Variants in ACYP2 observed in about 807,000 individuals in gnomAD.
ACYP2 encodes the protein acylphosphatase 2, also known as acylphosphatase-2.
In ACYP2, 12 loss-of-function variants were observed where a neutral mutation model predicts 11.2. That is an observed-to-expected ratio of 1.08 (90% CI 0.69 to 1.74). The LOEUF is 1.74. ACYP2 is among the 40% of genes most tolerant of loss of function. The pLI, the probability that ACYP2 is intolerant of heterozygous loss-of-function variation, is 0.00. For synonymous variants in ACYP2, 43 were observed against 32.2 expected (o/e 1.33, Z -1.13); for missense variants, 134 against 101.9 (o/e 1.31, Z -1.35).
chr2:54,080,122 G>C (rs1677565816), intron 4 of ACYP2: 1 of 207,780 alleles, frequency 4.8e-6, no homozygotes, highest in Non-Finnish European at 1.0e-5. Flanking sequence ...TATACAGCTT[G>C]GGAAGCACAT....
At chr2:54,044,084 A>T (rs1417056343) in intron 2 of ACYP2, among the ~76,000 whole-genome samples, 1 of 152,126 alleles carries the variant, frequency 6.6e-6, no homozygotes, top group East Asian at 1.9e-4. Flanking sequence ...TCTCTTCTAG[A>T]TCTCCATCTC....
At chr2:53,990,378 G>T (rs1265418698) in intron 2 of ACYP2, among the ~76,000 whole-genome samples, 2 of 152,088 alleles carry the variant, frequency 1.3e-5, no homozygotes, top group African/African-American at 4.8e-5. Context: ...GCTGGGAGCT[G>T]TGGCTCATGC....
chr2:54,099,032 T>G (rs1678744076), intron 4 of ACYP2, among the ~76,000 whole-genome samples: 1 of 152,330 alleles, frequency 6.6e-6, no homozygotes, highest in Non-Finnish European at 1.5e-5. Flanking sequence ...CCCAGCTGAT[T>G]GCAGACAATA....
chr2:54,096,877 T>G (rs1045547077), intron 4 of ACYP2, among the ~76,000 whole-genome samples: 15 of 146,634 alleles, frequency 1.0e-4, no homozygotes, highest in Non-Finnish European at 2.0e-4. Context: ...GGGGAGCTAA[T>G]CTGTTTTTTA....
chr2:54,262,214 T>C (rs970775209), intron 6 of ACYP2, among the ~76,000 whole-genome samples: 1 of 152,188 alleles, frequency 6.6e-6, no homozygotes, highest in Admixed American at 6.5e-5. Context: ...TCCTGGCTAG[T>C]GTCAAGCATC....
intron 2 of ACYP2, among the ~76,000 whole-genome samples, chr2:54,027,837 CTTTT>C (rs34122179): frequency 3.1e-5 from 3 of 97,892 alleles, no homozygotes; most frequent in Non-Finnish European, 5.8e-5. Flanking sequence ...TTCTTTCTTT[CTTTT>C]TTTTTTTTTT....
At chr2:54,247,185 G>GA (rs1410292573) in intron 6 of ACYP2, among the ~76,000 whole-genome samples, 1 of 152,120 alleles carries the variant, frequency 6.6e-6, no homozygotes. Flanking sequence ...CTCTCCTTGA[G>GA]ATTTTTCCAT....
At chr2:54,153,729 G>A (rs1682304473) in intron 6 of ACYP2, among the ~76,000 whole-genome samples, 1 of 151,138 alleles carries the variant, frequency 6.6e-6, no homozygotes. Flanking sequence ...CCTCTCGAGT[G>A]CCTGGGACTA....
At chr2:54,004,309 A>G (rs1331326432) in intron 2 of ACYP2, among the ~76,000 whole-genome samples, 2 of 150,638 alleles carry the variant, frequency 1.3e-5, no homozygotes, top group African/African-American at 2.4e-5. Context: ...TTAATTTGCA[A>G]TTCCCTAATG....
intron 2 of ACYP2, among the ~76,000 whole-genome samples, chr2:53,990,793 T>G (rs575028062): frequency 1.3e-5 from 2 of 152,180 alleles, no homozygotes; most frequent in South Asian, 2.1e-4. Flanking sequence ...GCGTTTTTTT[T>G]TTGTTTTGTT....
intron 2 of ACYP2, among the ~76,000 whole-genome samples, chr2:54,000,667 T>C (rs1004915661): frequency 1.1e-4 from 17 of 152,198 alleles, no homozygotes; most frequent in African/African-American, 4.1e-4. Context: ...AAGTTGGAGT[T>C]GCAACAGGTT....
chr2:54,097,157 T>C (rs753855206), intron 4 of ACYP2, among the ~76,000 whole-genome samples: 2 of 152,236 alleles, frequency 1.3e-5, no homozygotes, highest in Non-Finnish European at 2.9e-5. Context: ...TTCAATGAGC[T>C]CTTCCCTGCA....
At chr2:54,150,628 T>C (rs1682111784) in intron 6 of ACYP2, among the ~76,000 whole-genome samples, 2 of 152,026 alleles carry the variant, frequency 1.3e-5, no homozygotes, top group African/African-American at 4.8e-5. Flanking sequence ...CACCATGTTG[T>C]CCACGCTGGT....
At chr2:54,137,118 TTAATAA>T (rs1469260867) in intron 5 of ACYP2, among the ~76,000 whole-genome samples, 1 of 151,942 alleles carries the variant, frequency 6.6e-6, no homozygotes, top group South Asian at 2.1e-4. Context: ...TAAAAGACTA[TTAATAA>T]TAATAGGAGA....
chr2:53,997,244 C>T (rs1201032222), intron 2 of ACYP2, among the ~76,000 whole-genome samples: 1 of 152,142 alleles, frequency 6.6e-6, no homozygotes, highest in Non-Finnish European at 1.5e-5. Context: ...ATAGTATTGA[C>T]CCTTCCTCAG....
chr2:54,073,927 A>T (rs6545384), intron 4 of ACYP2, among the ~76,000 whole-genome samples: 89,410 of 152,088 alleles, frequency 0.59, 26,624 homozygotes, highest in East Asian at 0.71. Context: ...TGCATATAAT[A>T]ATGGTGGGAA....
intron 4 of ACYP2, among the ~76,000 whole-genome samples, chr2:54,132,744 A>G (rs1464784855): frequency 7.3e-6 from 1 of 136,332 alleles, no homozygotes; most frequent in Admixed American, 7.5e-5. Context: ...CAATTGAATG[A>G]TTTTTTTTTT....
chr2:54,216,181 A>G (rs183498549), intron 6 of ACYP2, among the ~76,000 whole-genome samples: 1 of 152,336 alleles, frequency 6.6e-6, no homozygotes, highest in Admixed American at 6.5e-5. Flanking sequence ...AATAATCCAT[A>G]TAAATAATTA....
intron 6 of ACYP2, among the ~76,000 whole-genome samples, chr2:54,168,408 A>C (rs892558730): frequency 6.6e-6 from 1 of 152,204 alleles, no homozygotes; most frequent in Non-Finnish European, 1.5e-5. Flanking sequence ...CCTGGGCCAC[A>C]GAAGCAGACT....
Sources: allele counts gnomAD v4.1 joint callset (sites outside exome capture counted in the v4.1 genomes callset), GRCh38; gene constraint gnomAD v4.1.1; transcripts MANE v1.5; gene names NCBI Gene and HGNC (gene_info 2026-07-23, HGNC 2026-07-21).